MGAT4A: variants seen among roughly 807,000 people sequenced by gnomAD.
The protein encoded by MGAT4A is N-acetylglucosaminyltransferase IVa.
MGAT4A carries 33 observed loss-of-function variants against 74.1 expected under a neutral mutation model. That is an observed-to-expected ratio of 0.45 (90% confidence interval 0.34 to 0.60). The LOEUF is 0.60. Among genes scored for constraint, MGAT4A ranks in the 20% least tolerant of loss-of-function variants. The probability of loss-of-function intolerance (pLI) is 0.02; values close to 1 mark genes in which losing one functional copy is unlikely to be tolerated. For synonymous variants in MGAT4A, 198 were observed against 210.4 expected, an observed-to-expected ratio of 0.94 and a Z score of 0.51; for missense variants, 479 against 628.3, an observed-to-expected ratio of 0.76 and a Z score of 2.54.
At chr2:98,630,946 A>T (rs1396687090) in intron 14 of MGAT4A, among the ~76,000 whole-genome samples, 1 of 152,166 alleles carries the variant, frequency 6.6e-6, no homozygotes, top group Non-Finnish European at 1.5e-5. Context: ...AGAAGAGAAA[A>T]AGTGAAGGAA....
At chr2:98,719,484 TAA>T (rs1382281436) in intron 2 of MGAT4A, among the ~76,000 whole-genome samples, 1 of 152,112 alleles carries the variant, frequency 6.6e-6, no homozygotes, top group African/African-American at 2.4e-5. Flanking sequence ...CCCAGGTTGC[TAA>T]AATACATTTC....
chr2:98,627,148 G>T (rs1701155674), intron 14 of MGAT4A, among the ~76,000 whole-genome samples: 1 of 152,160 alleles, frequency 6.6e-6, no homozygotes, highest in Non-Finnish European at 1.5e-5. Context: ...TTTGAGCTTG[G>T]AAAGTGCATC....
intron 2 of MGAT4A, among the ~76,000 whole-genome samples, chr2:98,691,918 CAAT>C (rs1356556709): frequency 5.3e-5 from 8 of 151,628 alleles, no homozygotes; most frequent in South Asian, 2.1e-4. Context: ...TTTTTAACAA[CAAT>C]GTTTAAAAAG....
At chr2:98,658,588 GAAGA>G (rs1187186810) in intron 5 of MGAT4A, among the ~76,000 whole-genome samples, 4 of 152,108 alleles carry the variant, frequency 2.6e-5, no homozygotes, top group African/African-American at 9.7e-5. Context: ...TGCACGATAT[GAAGA>G]AAGATTTTTC....
chr2:98,680,999 T>C (rs1047045449), intron 2 of MGAT4A, among the ~76,000 whole-genome samples: 1 of 152,234 alleles, frequency 6.6e-6, no homozygotes, highest in Non-Finnish European at 1.5e-5. Flanking sequence ...TGTTCTTTTT[T>C]TGAGACGGAG....
In MGAT4A at chr2:98,628,258, G is replaced by A. The variant is rs146413533; in HGVS notation, c.1469-2423C>T. On this transcript the variant is annotated intron_variant, in intron 14 of 15. Transcript: ENST00000393487. Reference sequence around the variant, plus strand: ...ACTGAGCAGTACCAGTGACAACTCCGTCAATTCCTCAGGAGCCAAGAAAAA... The same window carrying A: ...ACTGAGCAGTACCAGTGACAACTCCATCAATTCCTCAGGAGCCAAGAAAAA... Among the ~76,000 whole-genome samples, 96 of 152,270 alleles carry A rather than the reference G, an allele frequency of 6.3e-4. No individual in the cohort carries two copies. In the Middle Eastern group the frequency reaches 0.017, roughly 27 times the overall value.
intron 9 of MGAT4A, among the ~76,000 whole-genome samples, chr2:98,644,547 G>A (rs1701457378): frequency 1.3e-5 from 2 of 152,086 alleles, no homozygotes; most frequent in South Asian, 2.1e-4. Context: ...TGCTTAAAGT[G>A]TTAAAAAGTA....
intron 8 of MGAT4A, among the ~76,000 whole-genome samples, chr2:98,647,709 C>T (rs1701514717): frequency 6.6e-6 from 1 of 152,178 alleles, no homozygotes; most frequent in Non-Finnish European, 1.5e-5. Context: ...CAGAAGGCAC[C>T]GTGTTCAACT....
At chr2:98,661,269 GA>G (rs1457942761) in intron 5 of MGAT4A, among the ~76,000 whole-genome samples, 1 of 152,082 alleles carries the variant, frequency 6.6e-6, no homozygotes, top group East Asian at 1.9e-4. Context: ...CAAGTATTAG[GA>G]AGAATGTGGA....
rs74781369 is a variant in MGAT4A at position 98,682,680 on chromosome 2, T to C, written c.95-4209A>G. 4.2e-3 allele frequency among the ~76,000 whole-genome samples: 629 copies of C among 151,162 alleles called. 4 individuals are homozygous for C. The highest frequency in any genetic ancestry group is 0.014 in the African/African-American group (592 of 41,436). On this transcript the variant is annotated intron_variant, in intron 2 of 15. Transcript: ENST00000393487. ...AATAATGGGACAGAGATCACGTGCC[T>C]CGTGAAGTGAACCCCAGAGGACACC...
At chr2:98,648,110 T>G (rs1207789468) in intron 8 of MGAT4A, among the ~76,000 whole-genome samples, 1 of 151,222 alleles carries the variant, frequency 6.6e-6, no homozygotes, top group Non-Finnish European at 1.5e-5. Context: ...ATGAACTCAC[T>G]GAGAGAATTC....
At chr2:98,632,811 A>G (rs1471730457) in intron 14 of MGAT4A, among the ~76,000 whole-genome samples, 1 of 152,100 alleles carries the variant, frequency 6.6e-6, no homozygotes, top group Non-Finnish European at 1.5e-5. Flanking sequence ...CTGGAATGCA[A>G]TGGTGCAATC....
rs1157818097 is a variant in MGAT4A, at chr2:98,621,844, A to G, written c.*3722T>C. The G allele has an allele frequency of 2.0e-6, 2 of 1,014,630 alleles. No homozygotes were observed. Among genetic ancestry groups the G allele is most frequent in the Admixed American group, 5.5e-5 (1 of 18,046 alleles). 62.9% of individuals were successfully genotyped at this position (1,014,630 alleles called of 1,614,324 possible). ...AATTTTGCTTATAGTTTTAAAAATA[A>G]CAACACCTTCTAATTATTGACTAGT... On this transcript the variant is annotated 3_prime_UTR_variant, in exon 16 of 16. Coordinates refer to ENST00000393487, the MANE Select transcript of MGAT4A (RefSeq NM_012214.3).
intron 2 of MGAT4A, among the ~76,000 whole-genome samples, chr2:98,696,636 T>G (rs1702279041): frequency 6.6e-6 from 1 of 152,256 alleles, no homozygotes; most frequent in Admixed American, 6.5e-5. Flanking sequence ...TCCTTTTCCA[T>G]GCAGATTTGT....
In MGAT4A at chr2:98,664,973, ACTTAGT is replaced by A. The variant is rs912048929; in HGVS notation, c.404-1800_404-1795del. Among the ~76,000 whole-genome samples the A allele has an allele frequency of 1.6e-4, 24 of 152,320 alleles. 1 individual carries two copies. Among genetic ancestry groups the A allele is most frequent in the African/African-American group, 5.5e-4 (23 of 41,568 alleles). On this transcript the variant is annotated intron_variant, in intron 4 of 15. Transcript: ENST00000393487. ...AAGTATTTTAAATATGGTAAAAACA[ACTTAGT>A]CTTAATCATGCAACAATTTTTTGGA...
chr2:98,684,277 G>A (rs1017779741), intron 2 of MGAT4A, among the ~76,000 whole-genome samples: 1 of 152,048 alleles, frequency 6.6e-6, no homozygotes, highest in African/African-American at 2.4e-5. Context: ...GCTTTTCTTA[G>A]AATCATTTCA....
chr2:98,654,093 T>C (rs1020944636), intron 8 of MGAT4A, among the ~76,000 whole-genome samples: 9 of 152,028 alleles, frequency 5.9e-5, no homozygotes, highest in Non-Finnish European at 1.3e-4. Flanking sequence ...GGAAAAGCAT[T>C]TGACAACATT....
intron 2 of MGAT4A, among the ~76,000 whole-genome samples, chr2:98,713,652 C>T (rs1460320080): frequency 6.6e-6 from 1 of 152,058 alleles, no homozygotes; most frequent in East Asian, 1.9e-4. Flanking sequence ...TGAGACTGAA[C>T]ACCTACAAGG....
chr2:98,699,710 G>A (rs1335943178), intron 2 of MGAT4A, among the ~76,000 whole-genome samples: 1 of 152,112 alleles, frequency 6.6e-6, no homozygotes, highest in Non-Finnish European at 1.5e-5. Context: ...CATGGTATGG[G>A]AAACATTTGT....
Sources: gnomAD v4.1 joint callset for allele counts (sites outside exome capture counted in the v4.1 genomes callset) on GRCh38, gnomAD v4.1.1 for gene constraint, MANE v1.5 for transcripts, NCBI Gene and HGNC (gene_info 2026-07-23, HGNC 2026-07-21) for gene names.